VGLL3: variants seen among roughly 807,000 people sequenced by gnomAD.
VGLL3 encodes the protein vestigial like family member 3.
Under a neutral mutation model 29.2 loss-of-function variants are expected in VGLL3, and 18 were observed. The observed-to-expected ratio is 0.62, with a 90% confidence interval of 0.43 to 0.91. The LOEUF (loss-of-function observed/expected upper bound fraction) is 0.91. VGLL3 is among the 40% of genes least tolerant of loss of function. The pLI is 0.00. For missense variants in VGLL3, 440 were observed against 413.2 expected, an observed-to-expected ratio of 1.06 and a Z score of -0.56; for synonymous variants, 180 against 151.8, an observed-to-expected ratio of 1.19 and a Z score of -1.36.
Position 86,968,679 on chromosome 3 carries a change from T to C in VGLL3, c.848A>G (p.Glu283Gly). The C allele has an allele frequency of 6.2e-7, 1 of 1,614,184 alleles. No homozygotes were observed. Among genetic ancestry groups the C allele is most frequent in the Non-Finnish European group, 8.5e-7 (1 of 1,180,036 alleles). The change falls in exon 3 of 4, where the codon GAA (glutamate) becomes GGA (glycine). Residue 283 changes from glutamate to glycine, a missense_variant. Physicochemically the swap from Glu to Gly is moderately conservative, Grantham distance 98 (BLOSUM62 -2). Coordinates refer to ENST00000398399, the MANE Select transcript of VGLL3 (RefSeq NM_016206.4). The part of the protein sequence containing the change: ...PAPQCDITKT[E>G]PTTVTSATSA... Reference sequence around the variant, plus strand: ...GGTAGCAGAGGTGACTGTAGTTGGTTCTGTCTTTGTGATGTCACACTGGGG... The same window carrying C: ...GGTAGCAGAGGTGACTGTAGTTGGTCCTGTCTTTGTGATGTCACACTGGGG...
At chr3:86,950,638 C>T (rs1704597016) in intron 3 of VGLL3, among the ~76,000 whole-genome samples, 1 of 152,148 alleles carries the variant, frequency 6.6e-6, no homozygotes, top group Admixed American at 6.5e-5. Context: ...ATTAACAAAA[C>T]AGCCCTCAGG....
At chr3:86,950,469 G>T (rs1249057938) in intron 3 of VGLL3, among the ~76,000 whole-genome samples, 4 of 152,134 alleles carry the variant, frequency 2.6e-5, no homozygotes, top group Admixed American at 6.5e-5. Context: ...CAGAGTCAAT[G>T]GTCTTAACCA....
chr3:86,971,987 A>C (rs1486446684), intron 2 of VGLL3, among the ~76,000 whole-genome samples: 2 of 152,144 alleles, frequency 1.3e-5, no homozygotes, highest in Non-Finnish European at 2.9e-5. Flanking sequence ...CGTGCCAGAG[A>C]TATAGAATTC....
At position 86,968,965 on chromosome 3, in the gene VGLL3, G is replaced by C; in HGVS notation, c.562C>G (p.Pro188Ala). The stretch of plus-strand genomic sequence containing the variant: ...CCAGTCTGATGCAGGTTGTGTCCCG[G>C]CCAAGGACTGGGATCAGCTGCAGAA... ...TFSAADPSPW[P>A]GHNLHQTGPA... Residue 188 changes from proline to alanine, a missense_variant, in exon 3 of 4, where the codon CCG becomes GCG. Physicochemically the swap from Pro to Ala is conservative, Grantham distance 27. Coordinates refer to ENST00000398399, the MANE Select transcript of VGLL3 (RefSeq NM_016206.4). 6.2e-7 allele frequency: 1 copy of C among 1,614,130 alleles called. No individual in the cohort carries two copies. The highest frequency in any genetic ancestry group is 8.5e-7 in the Non-Finnish European group (1 of 1,180,018).
At chr3:86,969,223 A>T (rs1705037991) in intron 2 of VGLL3, 100 bp from the exon 3 acceptor site, 6 of 1,384,390 alleles carry the variant, frequency 4.3e-6, no homozygotes, top group Non-Finnish European at 5.8e-6. Context: ...AATATTTTAC[A>T]AGCAGTCAAA....
chr3:86,970,795 T>A (rs1050847356), intron 2 of VGLL3, among the ~76,000 whole-genome samples: 1 of 152,176 alleles, frequency 6.6e-6, no homozygotes, highest in Admixed American at 6.5e-5. Flanking sequence ...AGCACTGGGC[T>A]GGGAGACCAA....
chr3:86,961,025 A>T (rs1014204399), intron 3 of VGLL3, among the ~76,000 whole-genome samples: 1 of 150,992 alleles, frequency 6.6e-6, no homozygotes, highest in Non-Finnish European at 1.5e-5. Context: ...TGTAGTAAAA[A>T]GTATATGAAT....
At position 86,943,362 on chromosome 3, in the gene VGLL3, T is replaced by C. The variant is rs1704438545; in HGVS notation, c.*3662A>G. 3 of 152,138 alleles carry C rather than the reference T, an allele frequency of 2.0e-5. No individual in the cohort carries two copies. Among genetic ancestry groups the C allele is most frequent in the South Asian group, 4.1e-4 (2 of 4,830 alleles). The allele number at this position is 152,138 out of a possible 1,614,324, so 9.4% of individuals were successfully genotyped here. ...TCTGATTTCCACTTTAAATTATAAATACAACATTAAACCAGATAGCAAACT... is the reference window on the plus strand; with the variant it reads ...TCTGATTTCCACTTTAAATTATAAACACAACATTAAACCAGATAGCAAACT... On this transcript the variant is annotated 3_prime_UTR_variant, in exon 4 of 4. Transcript: ENST00000398399.
chr3:86,971,802 CAG>C (rs1257730418), intron 2 of VGLL3, among the ~76,000 whole-genome samples: 4 of 152,206 alleles, frequency 2.6e-5, no homozygotes, highest in Non-Finnish European at 4.4e-5. Context: ...AAAACCCATA[CAG>C]AGAGTTTAGA....
Position 86,968,834 on chromosome 3 carries a change from G to T in VGLL3, c.693C>A (p.His231Gln), listed in dbSNP as rs1705020440. ...GGCGGTGGTGCATGTGGGCATGAGG[G>T]TGGTGGTGCCGCATGTACACGTCAT... ...HMHDVYMRHHHPHAHMHHRHR... is the reference protein window; with the variant it reads ...HMHDVYMRHHQPHAHMHHRHR... The change falls in exon 3 of 4, where the codon CAC becomes CAA. Residue 231 changes from histidine to glutamine, a missense_variant. Coordinates refer to ENST00000398399, the MANE Select transcript of VGLL3 (RefSeq NM_016206.4). 4.3e-6 allele frequency: 7 copies of T among 1,614,042 alleles called. No individual in the cohort carries two copies. The highest frequency in any genetic ancestry group is 1.1e-5 in the South Asian group (1 of 91,074).
At chr3:86,959,998 T>C (rs1368870807) in intron 3 of VGLL3, among the ~76,000 whole-genome samples, 3 of 152,096 alleles carry the variant, frequency 2.0e-5, no homozygotes, top group Non-Finnish European at 4.4e-5. Flanking sequence ...GCTTCTCTAG[T>C]ATATTCGCTA....
chr3:86,971,946 T>TA (rs1705109951), intron 2 of VGLL3, among the ~76,000 whole-genome samples: 1 of 152,184 alleles, frequency 6.6e-6, no homozygotes, highest in Non-Finnish European at 1.5e-5. Flanking sequence ...AGAATCCTAT[T>TA]ATGAAAACCG....
At chr3:86,951,476 A>G (rs1704616391) in intron 3 of VGLL3, among the ~76,000 whole-genome samples, 1 of 152,084 alleles carries the variant, frequency 6.6e-6, no homozygotes, top group Admixed American at 6.6e-5. Context: ...GCCTTCTAAT[A>G]CCAGTACCTG....
chr3:86,975,385 T>C (rs72916086), intron 2 of VGLL3, among the ~76,000 whole-genome samples: 1 of 152,132 alleles, frequency 6.6e-6, no homozygotes, highest in Non-Finnish European at 1.5e-5. Context: ...TCTAAATCTG[T>C]CTAATTCACA....
intron 2 of VGLL3, among the ~76,000 whole-genome samples, chr3:86,975,661 T>G (rs552836408): frequency 6.6e-6 from 1 of 152,314 alleles, no homozygotes; most frequent in Admixed American, 6.5e-5. Context: ...CTATTTCAGA[T>G]TTTCCACATA....
intron 2 of VGLL3, among the ~76,000 whole-genome samples, chr3:86,975,471 T>C (rs1213977015): frequency 1.3e-5 from 2 of 152,014 alleles, no homozygotes; most frequent in African/African-American, 4.8e-5. Context: ...CAGAAGAAAA[T>C]ATTTTTACCA....
chr3:86,979,165 T>C (rs1191997486), intron 1 of VGLL3, among the ~76,000 whole-genome samples: 2 of 152,234 alleles, frequency 1.3e-5, no homozygotes. Flanking sequence ...TTCTTCCCAG[T>C]TTTGGTTTAT....
rs1704346736 is a variant in VGLL3 at position 86,939,461 on chromosome 3, C to T, written c.*7563G>A. On this transcript the variant is annotated 3_prime_UTR_variant, in exon 4 of 4. Coordinates refer to ENST00000398399, the MANE Select transcript of VGLL3 (RefSeq NM_016206.4). ...CCAACATGGTGAAATCCCGTCTCTA[C>T]TAAAATACAAAATATTAGCCTTGTG... 6.6e-6 allele frequency: 1 copy of T among 152,148 alleles called. No homozygotes were observed. The highest frequency in any genetic ancestry group is 6.6e-5 in the Admixed American group (1 of 15,266). 9.4% of individuals were successfully genotyped at this position (152,148 alleles called of 1,614,324 possible).
chr3:86,942,662 G>C lies in VGLL3; in HGVS notation c.*4362C>G, dbSNP rs1332760930. 4 of 152,052 alleles carry C rather than the reference G, an allele frequency of 2.6e-5. No individual in the cohort carries two copies. Among genetic ancestry groups the C allele is most frequent in the Non-Finnish European group, 4.4e-5 (3 of 68,006 alleles). 9.4% of individuals were successfully genotyped at this position (152,052 alleles called of 1,614,324 possible). A position where few individuals can be genotyped will look rare whatever the true frequency, so the allele number is the denominator to read the frequency against. On this transcript the variant is annotated 3_prime_UTR_variant, in exon 4 of 4. Transcript: ENST00000398399. ...ACACAGTAATTTAAATAAAATTTTG[G>C]AACATGTAGGAAAACTGAATTGGAC...
Sources: allele counts gnomAD v4.1 joint callset (sites outside exome capture counted in the v4.1 genomes callset), GRCh38; gene constraint gnomAD v4.1.1; transcripts MANE v1.5; gene names NCBI Gene and HGNC (gene_info 2026-07-23, HGNC 2026-07-21).